The following FAAH2 variants were observed in gnomAD, a reference collection of about 807,000 sequenced individuals.
FAAH2 encodes the protein fatty acid amide hydrolase 2, also known as fatty-acid amide hydrolase 2.
A neutral mutation model predicts 36.9 loss-of-function variants in FAAH2; 60 were observed. That is an observed-to-expected ratio of 1.63 (90% CI 1.32 to 2.02). FAAH2 has a LOEUF of 2.02. Among genes scored for constraint, FAAH2 ranks in the 30% most tolerant of loss-of-function variants. The pLI is 0.00. For synonymous variants in FAAH2, 214 were observed against 143.8 expected (o/e 1.49, Z -3.49); for missense variants, 689 against 397.5 (o/e 1.73, Z -6.23).
the FAAH2 span, among the ~76,000 whole-genome samples, chrX:57,254,048 G>T: frequency 9.1e-6 from 1 of 110,163 alleles, no homozygotes; most frequent in African/African-American, 3.3e-5. Flanking sequence ...CTCACCTCAC[G>T]TGCAAAGACA....
At chrX:57,261,963 GA>G in the FAAH2 span, among the ~76,000 whole-genome samples, 1 of 108,225 alleles carries the variant, frequency 9.2e-6, no homozygotes, top group Non-Finnish European at 1.9e-5. Flanking sequence ...GATGCTGAAA[GA>G]GAAGAATTAA....
chrX:57,173,778 G>A, the FAAH2 span, among the ~76,000 whole-genome samples: 1 of 111,628 alleles, frequency 9.0e-6, no homozygotes, highest in Non-Finnish European at 1.9e-5. Flanking sequence ...TTATTCTAAA[G>A]AAATGCTAGA....
chrX:57,454,531 A>G (rs1229211052), intron 10 of FAAH2, among the ~76,000 whole-genome samples: 2 of 112,264 alleles, frequency 1.8e-5, no homozygotes, highest in African/African-American at 6.5e-5. Flanking sequence ...GAATGAGGAG[A>G]AAGTTGAAAC....
the FAAH2 span, among the ~76,000 whole-genome samples, chrX:57,123,855 T>C: frequency 8.9e-6 from 1 of 112,080 alleles, no homozygotes; most frequent in Non-Finnish European, 1.9e-5. Context: ...GGGTTGTTTG[T>C]TTTTTTCTTG....
the FAAH2 span, among the ~76,000 whole-genome samples, chrX:57,224,010 C>T: frequency 1.8e-5 from 2 of 111,625 alleles, no homozygotes; most frequent in South Asian, 3.8e-4. Context: ...AAAAAATCTC[C>T]CTTTCACCCT....
chrX:57,376,272 T>A (rs1213023217), intron 5 of FAAH2, among the ~76,000 whole-genome samples: 3 of 111,244 alleles, frequency 2.7e-5, no homozygotes, highest in Non-Finnish European at 5.7e-5. Context: ...ATCTTTTAAA[T>A]ATGTGCAGAA....
chrX:57,454,152 C>T (rs2056831177), intron 10 of FAAH2, among the ~76,000 whole-genome samples: 1 of 111,944 alleles, frequency 8.9e-6, no homozygotes, highest in Non-Finnish European at 1.9e-5. Flanking sequence ...TATCTGCCTG[C>T]TAGCACTCTT....
At chrX:57,351,855 G>A (rs1383049948) in intron 5 of FAAH2, among the ~76,000 whole-genome samples, 1 of 104,411 alleles carries the variant, frequency 9.6e-6, no homozygotes, top group African/African-American at 3.5e-5. Flanking sequence ...AACAAGCCAA[G>A]AATGGATTAT....
At chrX:57,280,760 G>T in the FAAH2 span, among the ~76,000 whole-genome samples, 6 of 111,881 alleles carry the variant, frequency 5.4e-5, no homozygotes, top group Non-Finnish European at 7.5e-5. Context: ...AGTTGTACAT[G>T]AATGTTTACA....
the FAAH2 span, among the ~76,000 whole-genome samples, chrX:57,225,114 C>T: frequency 6.7e-4 from 74 of 110,253 alleles, no homozygotes; most frequent in African/African-American, 2.2e-3. Flanking sequence ...ATTTATCTTT[C>T]GTAAAATTTT....
intron 5 of FAAH2, among the ~76,000 whole-genome samples, chrX:57,345,854 G>T (rs1264164777): frequency 1.8e-5 from 2 of 111,361 alleles, no homozygotes; most frequent in East Asian, 2.8e-4. Flanking sequence ...ATAATCTTTT[G>T]ATATATACCT....
At chrX:57,329,169 A>T (rs1489651816) in intron 3 of FAAH2, among the ~76,000 whole-genome samples, 1 of 112,257 alleles carries the variant, frequency 8.9e-6, no homozygotes, top group Non-Finnish European at 1.9e-5. Context: ...ATTCACAGCA[A>T]TTGGCAATAT....
intron 3 of FAAH2, among the ~76,000 whole-genome samples, chrX:57,324,438 C>A (rs1179833647): frequency 1.8e-5 from 2 of 111,656 alleles, no homozygotes; most frequent in Non-Finnish European, 3.8e-5. Flanking sequence ...GGCAGTATGG[C>A]CATTTTCATG....
At chrX:57,485,432 TG>T (rs1403590229) in intron 10 of FAAH2, among the ~76,000 whole-genome samples, 1 of 111,148 alleles carries the variant, frequency 9.0e-6, no homozygotes, top group Non-Finnish European at 1.9e-5. Flanking sequence ...GCAGTATAAG[TG>T]GGGAGTTGTG....
chrX:57,430,275 C>T (rs888090224), intron 7 of FAAH2, among the ~76,000 whole-genome samples: 1 of 112,025 alleles, frequency 8.9e-6, no homozygotes, highest in East Asian at 2.8e-4. Context: ...GGTCTCCTGG[C>T]ATTAGTATCA....
chrX:57,256,808 C>T, the FAAH2 span, among the ~76,000 whole-genome samples: 1 of 111,936 alleles, frequency 8.9e-6, no homozygotes, highest in Admixed American at 9.5e-5. Context: ...TGACAAAGGG[C>T]TAATATCCAG....
the FAAH2 span, among the ~76,000 whole-genome samples, chrX:57,208,602 A>G: frequency 8.9e-6 from 1 of 111,942 alleles, no homozygotes; most frequent in Non-Finnish European, 1.9e-5. Context: ...GAATTAAGAC[A>G]TACACACAGA....
chrX:57,182,995 G>GACACAC, the FAAH2 span, among the ~76,000 whole-genome samples: 2 of 108,142 alleles, frequency 1.8e-5, no homozygotes, highest in Non-Finnish European at 3.9e-5. Flanking sequence ...AAATGATGAG[G>GACACAC]ACACACACAC....
chrX:57,384,663 A>G (rs1350424113), intron 7 of FAAH2, among the ~76,000 whole-genome samples: 1 of 110,961 alleles, frequency 9.0e-6, no homozygotes, highest in African/African-American at 3.3e-5. Flanking sequence ...ATCATTAAAA[A>G]GTCAGGAAAC....
Sources: allele counts gnomAD v4.1 joint callset (sites outside exome capture counted in the v4.1 genomes callset), GRCh38; gene constraint gnomAD v4.1.1; transcripts MANE v1.5; gene names NCBI Gene and HGNC (gene_info 2026-07-23, HGNC 2026-07-21).